DUSP29: variants seen among roughly 807,000 people sequenced by gnomAD.
DUSP29 encodes the protein atypical dual-specific protein phosphatase.
In DUSP29, 12 loss-of-function variants were observed where a neutral mutation model predicts 13.5. That is an observed-to-expected ratio of 0.89 (90% CI 0.57 to 1.44). DUSP29 has a LOEUF of 1.44. Among genes scored for constraint, DUSP29 ranks in the 40% most tolerant of loss-of-function variants. DUSP29 has a pLI of 0.00. For synonymous variants in DUSP29, 134 were observed against 128.7 expected, an observed-to-expected ratio of 1.04 and a Z score of -0.28; for missense variants, 308 against 301.1, an observed-to-expected ratio of 1.02 and a Z score of -0.17.
chr10:75,049,574 GA>G (rs1846781819), intron 2 of DUSP29, among the ~76,000 whole-genome samples: 1 of 152,244 alleles, frequency 6.6e-6, no homozygotes, highest in Non-Finnish European at 1.5e-5. Context: ...TCAGTAGTTG[GA>G]AGTCCTAGTT....
chr10:75,061,542 C>T (rs773661254), intron 1 of DUSP29, among the ~76,000 whole-genome samples: 1 of 152,212 alleles, frequency 6.6e-6, no homozygotes, highest in Non-Finnish European at 1.5e-5. Flanking sequence ...ATCTGTATCT[C>T]AATGAGCTCC....
At chr10:75,068,138 A>G (rs1397944880) in intron 1 of DUSP29, among the ~76,000 whole-genome samples, 2 of 152,178 alleles carry the variant, frequency 1.3e-5, no homozygotes, top group Non-Finnish European at 2.9e-5. Flanking sequence ...TTTAAAAATT[A>G]TATACATATA....
In DUSP29 at chr10:75,044,017, C is replaced by T; in HGVS notation, c.201G>A (p.Glu67=). The T allele has an allele frequency of 1.2e-6, 2 of 1,608,120 alleles. No individual in the cohort carries two copies. The highest frequency in any genetic ancestry group is 1.7e-6 in the Non-Finnish European group (2 of 1,178,072). ...GCCTATAGCGGTCCAGCGCCGTCGC[C>T]CTGGGCGCAGGGGAGAGAAATCTGT... ...EVWPKLYIGD[E]ATALDRYRLQ... is the part of the protein sequence containing the mutation. The change falls in exon 3 of 4, where the codon GAG becomes GAA. Residue 67 remains glutamate (E), a splice_region_variant and synonymous_variant. Transcript: ENST00000338487.
In DUSP29 at chr10:75,058,310, C is replaced by T; in HGVS notation, c.200+5G>A. The stretch of plus-strand genomic sequence containing the variant: ...TCCCAAGCGAGCCTGGGCCTGGGCA[C>T]TTACTCATCGCCAATGTAGAGCTTG... On this transcript the variant is annotated splice_donor_5th_base_variant and intron_variant, in intron 2 of 3. Transcript: ENST00000338487. 2 of 1,608,936 alleles carry T rather than the reference C, an allele frequency of 1.2e-6. No homozygotes were observed. The highest frequency in any genetic ancestry group is 1.7e-6 in the Non-Finnish European group (2 of 1,176,358).
At position 75,058,308 on chromosome 10, in the gene DUSP29, C is replaced by G; in HGVS notation, c.200+7G>C. On this transcript the variant is annotated splice_region_variant and intron_variant, in intron 2 of 3. Transcript: ENST00000338487. The stretch of plus-strand genomic sequence containing the variant: ...GCTCCCAAGCGAGCCTGGGCCTGGG[C>G]ACTTACTCATCGCCAATGTAGAGCT... 1 of 1,608,556 alleles carries G rather than the reference C, an allele frequency of 6.2e-7. No individual in the cohort carries two copies.
chr10:75,062,035 A>G (rs549826168), intron 1 of DUSP29, among the ~76,000 whole-genome samples: 2 of 152,266 alleles, frequency 1.3e-5, no homozygotes, highest in Non-Finnish European at 2.9e-5. Flanking sequence ...TCAGGCCCAA[A>G]CTCTATTCTG....
intron 2 of DUSP29, among the ~76,000 whole-genome samples, chr10:75,047,084 G>A (rs574544411): frequency 1.1e-4 from 16 of 152,306 alleles, no homozygotes; most frequent in African/African-American, 3.4e-4. Context: ...CCAGGCTGAC[G>A]TTGGTTGTGC....
chr10:75,072,779 G>A lies in DUSP29; in HGVS notation c.-35+790C>T, dbSNP rs192245545. Among the ~76,000 whole-genome samples, 392 of 152,140 alleles carry A rather than the reference G, an allele frequency of 2.6e-3. 2 individuals carry two copies. The highest frequency in any genetic ancestry group is 9.2e-3 in the African/African-American group (380 of 41,522). The stretch of plus-strand genomic sequence containing the variant: ...TTTCCCGAACGATCAGAGCCCCCGG[G>A]CCCAACTGTTCTTGGGTTCCAGGCC... On this transcript the variant is annotated intron_variant, in intron 1 of 3. Coordinates refer to ENST00000338487, the MANE Select transcript of DUSP29 (RefSeq NM_001003892.3).
At chr10:75,050,588 A>T (rs967839110) in intron 2 of DUSP29, among the ~76,000 whole-genome samples, 2 of 152,294 alleles carry the variant, frequency 1.3e-5, no homozygotes, top group Non-Finnish European at 2.9e-5. Context: ...GAGTCCCAGA[A>T]CAATAAAATG....
chr10:75,039,054 C>T (rs1846531596), intron 3 of DUSP29, among the ~76,000 whole-genome samples: 1 of 152,192 alleles, frequency 6.6e-6, no homozygotes, highest in African/African-American at 2.4e-5. Context: ...CTCTTACCAT[C>T]ACAGGGGCCA....
intron 1 of DUSP29, among the ~76,000 whole-genome samples, chr10:75,066,703 G>A (rs1462370654): frequency 1.3e-5 from 2 of 152,124 alleles, no homozygotes; most frequent in East Asian, 3.9e-4. Flanking sequence ...CCCGGGCCGA[G>A]GCAGGAAGGT....
Position 75,037,698 on chromosome 10 carries a change from A to C in DUSP29, c.*138T>G, listed in dbSNP as rs923366638. 3 of 1,413,690 alleles carry C rather than the reference A, an allele frequency of 2.1e-6. No individual in the cohort carries two copies. Among genetic ancestry groups the C allele is most frequent in the Non-Finnish European group, 2.8e-6 (3 of 1,054,816 alleles). The allele number at this position is 1,413,690 out of a possible 1,614,324, so 87.6% of individuals were successfully genotyped here. A position where few individuals can be genotyped will look rare whatever the true frequency, so the allele number is the denominator to read the frequency against. On this transcript the variant is annotated 3_prime_UTR_variant, in exon 4 of 4. Coordinates refer to ENST00000338487, the MANE Select transcript of DUSP29 (RefSeq NM_001003892.3). ...TCTGGGTCCTCCCTGTCCCCAGCAC[A>C]CATGGGGAAGTTGAACAAGATGGTT...
intron 2 of DUSP29, among the ~76,000 whole-genome samples, chr10:75,052,074 A>G: frequency 6.6e-6 from 1 of 152,080 alleles, no homozygotes; most frequent in East Asian, 1.9e-4. Flanking sequence ...GGGCAGTGAC[A>G]TTTTCCATTT....
intron 3 of DUSP29, among the ~76,000 whole-genome samples, chr10:75,043,365 C>T (rs530041272): frequency 6.6e-6 from 1 of 152,332 alleles, no homozygotes; most frequent in Admixed American, 6.5e-5. Context: ...GGCCGCAGTC[C>T]CAGCTTTGAG....
chr10:75,069,346 G>C (rs901215950), intron 1 of DUSP29, among the ~76,000 whole-genome samples: 1 of 152,192 alleles, frequency 6.6e-6, no homozygotes, highest in Non-Finnish European at 1.5e-5. Flanking sequence ...CATGATGTCT[G>C]ACCAGGCCCG....
At chr10:75,055,928 G>C (rs12784674) in intron 2 of DUSP29, among the ~76,000 whole-genome samples, 30,518 of 151,910 alleles carry the variant, frequency 0.2, 4,256 homozygotes, top group East Asian at 0.6. Context: ...GTTTGTTTTG[G>C]AGACAAACTG....
intron 1 of DUSP29, among the ~76,000 whole-genome samples, chr10:75,064,219 T>G (rs1309833971): frequency 6.6e-6 from 1 of 151,978 alleles, no homozygotes. Context: ...TTTTTTAAAG[T>G]TTTTTTGTAG....
chr10:75,067,458 C>T (rs1289859053), intron 1 of DUSP29, among the ~76,000 whole-genome samples: 1 of 152,166 alleles, frequency 6.6e-6, no homozygotes, highest in African/African-American at 2.4e-5. Flanking sequence ...ATTGATTCTG[C>T]TTAGCTTGGT....
chr10:75,046,544 G>T (rs561433992), intron 2 of DUSP29, among the ~76,000 whole-genome samples: 45 of 152,296 alleles, frequency 3.0e-4, no homozygotes, highest in African/African-American at 1.1e-3. Flanking sequence ...TTTTTATTTG[G>T]CATGAGAACC....
Sources: allele counts gnomAD v4.1 joint callset (sites outside exome capture counted in the v4.1 genomes callset), GRCh38; gene constraint gnomAD v4.1.1; transcripts MANE v1.5; gene names NCBI Gene and HGNC (gene_info 2026-07-23, HGNC 2026-07-21).